ZSWIM8: variants seen among roughly 807,000 people sequenced by gnomAD.
ZSWIM8 encodes the protein zinc finger SWIM-type containing 8, also known as zinc finger SWIM domain-containing protein 8.
A neutral mutation model predicts 173.7 loss-of-function variants in ZSWIM8; 27 were observed. That is an observed-to-expected ratio of 0.16 (90% confidence interval 0.11 to 0.21). The LOEUF (loss-of-function observed/expected upper bound fraction) is 0.21. ZSWIM8 is among the 10% of genes least tolerant of loss of function. The pLI, the probability that ZSWIM8 is intolerant of heterozygous loss-of-function variation, is 1.00. For missense variants in ZSWIM8, 1,627 were observed against 2,428.8 expected (o/e 0.67, Z 6.94); for synonymous variants, 958 against 962.0 (o/e 1.00, Z 0.08).
rs1399367317 is a variant in ZSWIM8 at position 73,789,924 on chromosome 10, G to T, written c.739-32G>T. ...GCCTCCATGGGTTCACCTAGGCCGTGTTCTGCCTGCCTCCGTCTCTTTCTC... is the reference window on the plus strand; with the variant it reads ...GCCTCCATGGGTTCACCTAGGCCGTTTTCTGCCTGCCTCCGTCTCTTTCTC... On this transcript the variant is annotated intron_variant, in intron 5 of 25. Transcript: ENST00000604729. This position sits in a 1 kb window ranked among gnomAD's most constrained non-coding sequence, Gnocchi z 6.8. 6.2e-7 allele frequency: 1 copy of T among 1,605,590 alleles called. No individual in the cohort carries two copies. Among genetic ancestry groups the T allele is most frequent in the Non-Finnish European group, 8.5e-7 (1 of 1,175,620 alleles).
intron 15 of ZSWIM8, 197 bp from the exon 16 acceptor site, chr10:73,796,577 G>A (rs1005862900): frequency 9.1e-6 from 6 of 659,458 alleles, no homozygotes; most frequent in Non-Finnish European, 1.3e-5. Context: ...GTTAATGGAG[G>A]ATACCAAGAT....
chr10:73,797,027 C>A lies in ZSWIM8; in HGVS notation c.3274+13C>A. 3 of 1,608,956 alleles carry A rather than the reference C, an allele frequency of 1.9e-6. No homozygotes were observed. Among genetic ancestry groups the A allele is most frequent in the Non-Finnish European group, 2.5e-6 (3 of 1,176,478 alleles). ...AAGAATGTGCCTGGTGAGGTGGGGG[C>A]ACTGGGCAGGGGGGATGAATGGTGT... On this transcript the variant is annotated intron_variant, in intron 16 of 25. Coordinates refer to ENST00000604729, the MANE Select transcript of ZSWIM8 (RefSeq NM_001367799.1). The surrounding 1 kb of genome is among the most constrained non-coding windows in gnomAD (Gnocchi z 5.6).
rs1376622866 is a variant in ZSWIM8 at position 73,801,456 on chromosome 10, C to A, written c.5442C>A (p.Arg1814=). The A allele has an allele frequency of 6.2e-7, 1 of 1,613,944 alleles. No individual in the cohort carries two copies. The highest frequency in any genetic ancestry group is 8.5e-7 in the Non-Finnish European group (1 of 1,179,872). The change falls in exon 26 of 26, where the codon CGC becomes CGA. Residue 1814 remains arginine (R), a synonymous_variant. Coordinates refer to ENST00000604729, the MANE Select transcript of ZSWIM8 (RefSeq NM_001367799.1). This position sits in a 1 kb window ranked among gnomAD's most constrained non-coding sequence, Gnocchi z 4.9. ...QFNDILQNLK[R]SKQTKELWQR... Reference sequence around the variant, plus strand: ...ACGACATCCTACAGAACCTCAAGCGCAGCAAACAGACCAAGGAGCTGTGGC... The same window carrying A: ...ACGACATCCTACAGAACCTCAAGCGAAGCAAACAGACCAAGGAGCTGTGGC...
At position 73,789,719 on chromosome 10, in the gene ZSWIM8, T is replaced by A. The variant is rs756628344; in HGVS notation, c.633T>A (p.Ala211=). The change falls in exon 5 of 26, where the codon GCT becomes GCA. Residue 211 remains alanine (A), a splice_region_variant and synonymous_variant. Coordinates refer to ENST00000604729, the MANE Select transcript of ZSWIM8 (RefSeq NM_001367799.1). The surrounding 1 kb of genome is among the most constrained non-coding windows in gnomAD (Gnocchi z 6.8). Reference sequence around the variant, plus strand: ...ATTTTTCTCTGTGTCCCCTTCAGGCTTCTGCAGTCTGCCTGCGAGCCCCAG... The same window carrying A: ...ATTTTTCTCTGTGTCCCCTTCAGGCATCTGCAGTCTGCCTGCGAGCCCCAG... The part of the protein sequence containing the change: ...VALCLFRIHN[A]SAVCLRAPVS... 2 of 1,599,788 alleles carry A rather than the reference T, an allele frequency of 1.3e-6. No individual in the cohort carries two copies. Among genetic ancestry groups the A allele is most frequent in the Non-Finnish European group, 1.7e-6 (2 of 1,173,312 alleles).
Position 73,789,004 on chromosome 10 carries a change from A to G in ZSWIM8, c.363-92A>G. ...CCCGCCCTGGGGAAGGAATGAGGCTAGGGAGAGAGTGCCTAGGGCATTGTG... is the reference window on the plus strand; with the variant it reads ...CCCGCCCTGGGGAAGGAATGAGGCTGGGGAGAGAGTGCCTAGGGCATTGTG... On this transcript the variant is annotated intron_variant, in intron 2 of 25. Transcript: ENST00000604729. The surrounding 1 kb of genome is among the most constrained non-coding windows in gnomAD (Gnocchi z 6.8). 2.6e-6 allele frequency: 2 copies of G among 781,452 alleles called. No individual in the cohort carries two copies. Among genetic ancestry groups the G allele is most frequent in the South Asian group, 1.4e-5 (1 of 71,500 alleles). 48.4% of individuals were successfully genotyped at this position (781,452 alleles called of 1,614,324 possible). A position where few individuals can be genotyped will look rare whatever the true frequency, so the allele number is the denominator to read the frequency against.
In ZSWIM8 at chr10:73,792,445, A is replaced by G. The variant is rs1477879924; in HGVS notation, c.1906A>G (p.Thr636Ala). The G allele has an allele frequency of 6.2e-7, 1 of 1,606,400 alleles. No individual in the cohort carries two copies. Among genetic ancestry groups the G allele is most frequent in the Admixed American group, 1.7e-5 (1 of 58,574 alleles). ...SSLALGAEAS[T>A]FGGFPESPPP... ...CCTGGCCCTGGGCGCAGAGGCCAGC[A>G]CCTTCGGGGGATTCCCTGAGAGCCC... The change falls in exon 10 of 26, where the codon ACC becomes GCC. Residue 636 changes from threonine to alanine, a missense_variant. Coordinates refer to ENST00000604729, the MANE Select transcript of ZSWIM8 (RefSeq NM_001367799.1). This position sits in a 1 kb window ranked among gnomAD's most constrained non-coding sequence, Gnocchi z 4.3.
chr10:73,794,056 C>A lies in ZSWIM8; in HGVS notation c.2625+12C>A. On this transcript the variant is annotated intron_variant, in intron 12 of 25. Coordinates refer to ENST00000604729, the MANE Select transcript of ZSWIM8 (RefSeq NM_001367799.1). ...CCAAGGCCTTGGAGGTCAGAGGCTC[C>A]ATCTCAGCCTTGTATTTCAGTCTCT... 6.2e-7 allele frequency: 1 copy of A among 1,611,920 alleles called. No homozygotes were observed. Among genetic ancestry groups the A allele is most frequent in the Non-Finnish European group, 8.5e-7 (1 of 1,178,916 alleles).
rs774862043 is a variant in ZSWIM8, at chr10:73,789,262, C to A, written c.457+72C>A. The A allele has an allele frequency of 6.2e-7, 1 of 1,605,930 alleles. No individual in the cohort carries two copies. Among genetic ancestry groups the A allele is most frequent in the Non-Finnish European group, 8.5e-7 (1 of 1,173,958 alleles). ...CCTGGCTTATGAAGTAAGAACACAC[C>A]GCAAGAAGCTGGAGCATGTTGTCTG... On this transcript the variant is annotated intron_variant, in intron 3 of 25. Transcript: ENST00000604729. The surrounding 1 kb of genome is among the most constrained non-coding windows in gnomAD (Gnocchi z 6.8).
rs534788642 is a variant in ZSWIM8, at chr10:73,791,567, C to T, written c.1319+68C>T. 4 of 1,451,332 alleles carry T rather than the reference C, an allele frequency of 2.8e-6. No homozygotes were observed. The African/African-American group carries it at 5.7e-5, about 21-fold the overall frequency. 89.9% of individuals were successfully genotyped at this position (1,451,332 alleles called of 1,614,324 possible). A position where few individuals can be genotyped will look rare whatever the true frequency, so the allele number is the denominator to read the frequency against. The stretch of plus-strand genomic sequence containing the variant: ...AGCTCAGGACAGACTGAGCCTTCAT[C>T]TCCTTGTTTGCAGAGACATACCATG... On this transcript the variant is annotated intron_variant, in intron 9 of 25. Coordinates refer to ENST00000604729, the MANE Select transcript of ZSWIM8 (RefSeq NM_001367799.1). The surrounding 1 kb of genome is among the most constrained non-coding windows in gnomAD (Gnocchi z 6.0).
In ZSWIM8 at chr10:73,792,498, C is replaced by T. The variant is rs543921998; in HGVS notation, c.1959C>T (p.Ser653=). The part of the protein sequence containing the change: ...SPPPCPLHGG[S]RGPSTFLPEP... ...CACCCTGTCCTCTCCACGGTGGCTC[C>T]CGAGGCCCTTCCACTTTCCTTCCTG... Residue 653 remains serine, a synonymous_variant, in exon 10 of 26, where the codon TCC becomes TCT. Transcript: ENST00000604729. The surrounding 1 kb of genome is among the most constrained non-coding windows in gnomAD (Gnocchi z 4.3). 7 of 1,613,322 alleles carry T rather than the reference C, an allele frequency of 4.3e-6. No homozygotes were observed. The highest frequency in any genetic ancestry group is 2.2e-5 in the East Asian group (1 of 44,864).
In ZSWIM8 at chr10:73,797,781, G is replaced by C. The variant is rs1441067227; in HGVS notation, c.3663G>C (p.Arg1221Ser). The change falls in exon 19 of 26, where the codon AGG becomes AGC. Residue 1221 changes from arginine (R) to serine (S), a missense_variant and splice_region_variant. Coordinates refer to ENST00000604729, the MANE Select transcript of ZSWIM8 (RefSeq NM_001367799.1). This position sits in a 1 kb window ranked among gnomAD's most constrained non-coding sequence, Gnocchi z 5.6. The part of the protein sequence containing the change: ...GARAKTVEVG[R>S]YKGRRPESHA... ...CGTCCCTACCCCATTGCCCCTTCAG[G>C]TACAAGGGCCGCCGCCCCGAGAGTC... 1 of 1,611,232 alleles carries C rather than the reference G, an allele frequency of 6.2e-7. No individual in the cohort carries two copies. Among genetic ancestry groups the C allele is most frequent in the Non-Finnish European group, 8.5e-7 (1 of 1,178,084 alleles).
chr10:73,791,557 G>A lies in ZSWIM8; in HGVS notation c.1319+58G>A. The A allele has an allele frequency of 6.8e-7, 1 of 1,480,090 alleles. No individual in the cohort carries two copies. The highest frequency in any genetic ancestry group is 9.0e-7 in the Non-Finnish European group (1 of 1,108,268). 91.7% of individuals were successfully genotyped at this position (1,480,090 alleles called of 1,614,324 possible). On this transcript the variant is annotated intron_variant, in intron 9 of 25. Coordinates refer to ENST00000604729, the MANE Select transcript of ZSWIM8 (RefSeq NM_001367799.1). The surrounding 1 kb of genome is among the most constrained non-coding windows in gnomAD (Gnocchi z 6.0). ...AGCCTGGGCCAGCTCAGGACAGACT[G>A]AGCCTTCATCTCCTTGTTTGCAGAG...
rs1390347882 is a variant in ZSWIM8 at position 73,789,952 on chromosome 10, T to G, written c.739-4T>G. The G allele has an allele frequency of 3.7e-6, 6 of 1,612,390 alleles. No homozygotes were observed. In the South Asian group the frequency reaches 5.5e-5, roughly 15 times the overall value. Reference sequence around the variant, plus strand: ...CTGCCTGCCTCCGTCTCTTTCTCCCTCAGATCCTCCCCACAGCTCAGCGTC... The same window carrying G: ...CTGCCTGCCTCCGTCTCTTTCTCCCGCAGATCCTCCCCACAGCTCAGCGTC... On this transcript the variant is annotated splice_polypyrimidine_tract_variant and splice_region_variant and intron_variant, in intron 5 of 25. Transcript: ENST00000604729. This position sits in a 1 kb window ranked among gnomAD's most constrained non-coding sequence, Gnocchi z 6.8.
Position 73,801,679 on chromosome 10 carries a change from T to C in ZSWIM8, c.*160T>C, listed in dbSNP as rs897193205. The C allele has an allele frequency of 1.3e-6, 2 of 1,534,464 alleles. No individual in the cohort carries two copies. Among genetic ancestry groups the C allele is most frequent in the African/African-American group, 2.7e-5 (2 of 73,000 alleles). ...TGGGCTATAGCTTGGGGCCAAGATG[T>C]CTCACACCCTAGAAGCCTAGGGCTG... On this transcript the variant is annotated 3_prime_UTR_variant, in exon 26 of 26. Coordinates refer to ENST00000604729, the MANE Select transcript of ZSWIM8 (RefSeq NM_001367799.1). This position sits in a 1 kb window ranked among gnomAD's most constrained non-coding sequence, Gnocchi z 4.9.
chr10:73,790,336 G>A, intron 7 of ZSWIM8, 44 bp downstream of exon 7: 1 of 1,555,480 alleles, frequency 6.4e-7, no homozygotes, highest in Non-Finnish European at 8.7e-7. Context: ...TGGAGGGGGA[G>A]CGTCCCTCAG....
intron 14 of ZSWIM8, chr10:73,794,952 AAATT>A (rs1350267145): frequency 2.4e-5 from 5 of 204,690 alleles, no homozygotes; most frequent in Non-Finnish European, 4.0e-5. Context: ...AAAAAAAAAA[AAATT>A]AGCCAGGTGT....
chr10:73,796,152 C>T (rs2083642731), intron 15 of ZSWIM8, among the ~76,000 whole-genome samples: 1 of 151,472 alleles, frequency 6.6e-6, no homozygotes, highest in African/African-American at 2.4e-5. Context: ...CGTTTGAGAC[C>T]AACCTGGCCA....
chr10:73,792,427 C>T lies in ZSWIM8; in HGVS notation c.1888C>T (p.Leu630=), dbSNP rs769082169. The part of the protein sequence containing the change: ...EMSLDDSSLA[L]GAEASTFGGF... ...GAGCCTGGATGACAGCAGCCTGGCCCTGGGCGCAGAGGCCAGCACCTTCGG... is the reference window on the plus strand; with the variant it reads ...GAGCCTGGATGACAGCAGCCTGGCCTTGGGCGCAGAGGCCAGCACCTTCGG... The change falls in exon 10 of 26, where the codon CTG becomes TTG. Residue 630 remains leucine (L), a synonymous_variant. Transcript: ENST00000604729. The surrounding 1 kb of genome is among the most constrained non-coding windows in gnomAD (Gnocchi z 4.3). 2.5e-6 allele frequency: 4 copies of T among 1,604,630 alleles called. No individual in the cohort carries two copies. Among genetic ancestry groups the T allele is most frequent in the Non-Finnish European group, 3.4e-6 (4 of 1,175,558 alleles).
intron 1 of ZSWIM8, among the ~76,000 whole-genome samples, chr10:73,787,193 C>T (rs2083257963): frequency 6.6e-6 from 1 of 152,200 alleles, no homozygotes; most frequent in African/African-American, 2.4e-5. Flanking sequence ...ATCTGCGCGC[C>T]TCGGCCTCCC....
Sources: gnomAD v4.1 joint callset for allele counts (sites outside exome capture counted in the v4.1 genomes callset) on GRCh38, gnomAD v4.1.1 for gene constraint, Gnocchi (gnomAD v3.1) non-coding constraint, MANE v1.5 for transcripts, NCBI Gene and HGNC (gene_info 2026-07-23, HGNC 2026-07-21) for gene names.